Variants in DNM1 observed in about 807,000 individuals in gnomAD.
The protein encoded by DNM1 is dynamin 1.
In DNM1, 29 loss-of-function variants were observed where a neutral mutation model predicts 104.6. The observed-to-expected ratio is 0.28, with a 90% CI of 0.21 to 0.38. The LOEUF is 0.38. Ranked by LOEUF, DNM1 falls within the 10% of genes least tolerant of loss-of-function variation. The pLI is 1.00. For missense variants in DNM1, 640 were observed against 1,189.4 expected (o/e 0.54, Z 6.79); for synonymous variants, 445 against 475.8 (o/e 0.94, Z 0.84).
At chr9:128,235,014 A>G (rs1835925200) in intron 11 of DNM1, 1 of 151,190 alleles carries the variant, frequency 6.6e-6, no homozygotes, top group Admixed American at 6.6e-5. Context: ...GCTGTTCTCA[A>G]ACTCCTGATC....
rs1011516154 is a variant in DNM1 at position 128,224,026 on chromosome 9, G to A, written c.1197-225G>A. On this transcript the variant is annotated intron_variant, in intron 9 of 21. Transcript: ENST00000372923. This position sits in a 1 kb window ranked among gnomAD's most constrained non-coding sequence, Gnocchi z 4.3. ...ATTGCGCCACTGCACTCCAGCCTGG[G>A]CGACAGAGCAAGACTCCGTCTCAAA... is the stretch of plus-strand genomic sequence containing the variant. 1.4e-4 allele frequency: 63 copies of A among 437,330 alleles called. No individual in the cohort carries two copies. The Admixed American group carries it at 2.2e-3, about 15-fold the overall frequency. 27.1% of individuals were successfully genotyped at this position (437,330 alleles called of 1,614,324 possible). A position where few individuals can be genotyped will look rare whatever the true frequency, so the allele number is the denominator to read the frequency against.
At chr9:128,217,739 C>T (rs113930466) in intron 1 of DNM1, among the ~76,000 whole-genome samples, 1 of 152,288 alleles carries the variant, frequency 6.6e-6, no homozygotes, top group Non-Finnish European at 1.5e-5. Context: ...TCCTTGCCAC[C>T]TCCTTCCCCA....
rs530908440 is a variant in DNM1, at chr9:128,250,177, G to C, written c.2139G>C (p.Thr713=). The change falls in exon 20 of 22, where the codon ACG becomes ACC. Residue 713 remains threonine, a synonymous_variant. Coordinates refer to ENST00000372923, the MANE Select transcript of DNM1 (RefSeq NM_004408.4). ...ANLYSCGDQN[T]LMEESAEQAQ... is the part of the protein sequence containing the mutation. ...TGTACTCGTGTGGGGACCAGAACAC[G>C]CTGATGGAGGAGTCGGCGGAGCAGG... is the stretch of plus-strand genomic sequence containing the variant. The C allele has an allele frequency of 1.9e-6, 3 of 1,614,210 alleles. No individual in the cohort carries two copies. The African/African-American group carries it at 4.0e-5, about 22-fold the overall frequency.
Position 128,234,098 on chromosome 9 carries a change from T to G in DNM1, c.1413T>G (p.Thr471=). The G allele has an allele frequency of 6.4e-7, 1 of 1,560,602 alleles. No homozygotes were observed. Among genetic ancestry groups the G allele is most frequent in the Non-Finnish European group, 8.7e-7 (1 of 1,153,150 alleles). The change falls in exon 11 of 22, where the codon ACT becomes ACG. Residue 471 remains threonine (T), a synonymous_variant. Coordinates refer to ENST00000372923, the MANE Select transcript of DNM1 (RefSeq NM_004408.4). The part of the protein sequence containing the change: ...TTHIREREGR[T]KEQVMLLIDI... The stretch of plus-strand genomic sequence containing the variant: ...ACATCCGGGAGCGCGAGGGCCGCAC[T>G]AAGGAGCAGGTGAGCCCCGCAGCAC...
Position 128,240,128 on chromosome 9 carries a change from C to A in DNM1, c.1557+132C>A. 9.3e-7 allele frequency: 1 copy of A among 1,076,484 alleles called. No homozygotes were observed. Among genetic ancestry groups the A allele is most frequent in the Non-Finnish European group, 1.4e-6 (1 of 703,328 alleles). The allele number at this position is 1,076,484 out of a possible 1,614,324, so 66.7% of individuals were successfully genotyped here. A position where few individuals can be genotyped will look rare whatever the true frequency, so the allele number is the denominator to read the frequency against. On this transcript the variant is annotated intron_variant, in intron 14 of 21. Coordinates refer to ENST00000372923, the MANE Select transcript of DNM1 (RefSeq NM_004408.4). The surrounding 1 kb of genome is among the most constrained non-coding windows in gnomAD (Gnocchi z 5.1). ...TTGTACACACCAGCCCCTGGCATTT[C>A]ACACCTGCCCTCAGGCCAGAGGCAG...
intron 15 of DNM1, among the ~76,000 whole-genome samples, chr9:128,244,530 C>G (rs577210764): frequency 9.2e-5 from 14 of 151,408 alleles, no homozygotes; most frequent in African/African-American, 3.2e-4. Context: ...CCCCATTGAC[C>G]CCCCCATCCT....
At position 128,224,889 on chromosome 9, in the gene DNM1, C is replaced by G. The variant is rs1835251745; in HGVS notation, c.1335+500C>G. Among the ~76,000 whole-genome samples the G allele has an allele frequency of 6.6e-6, 1 of 152,152 alleles. No homozygotes were observed. Among genetic ancestry groups the G allele is most frequent in the Admixed American group, 6.5e-5 (1 of 15,286 alleles). ...CCCGCTGTCCTTCATCCTCCCCATA[C>G]TCATCTCACCCTCACTCAGGACCCT... is the stretch of plus-strand genomic sequence containing the variant. On this transcript the variant is annotated intron_variant, in intron 10 of 21. Transcript: ENST00000372923. The surrounding 1 kb of genome is among the most constrained non-coding windows in gnomAD (Gnocchi z 4.3).
chr9:128,249,192 CA>C (rs113241852), intron 19 of DNM1, among the ~76,000 whole-genome samples: 44,513 of 117,666 alleles, frequency 0.38, 7,504 homozygotes, highest in African/African-American at 0.5. Flanking sequence ...GACTCCATCT[CA>C]AAAAAAAAAA....
chr9:128,212,927 A>AAGTCCCTGGCAG (rs1274922191), intron 1 of DNM1, among the ~76,000 whole-genome samples: 2 of 152,206 alleles, frequency 1.3e-5, no homozygotes, highest in Non-Finnish European at 2.9e-5. Context: ...GTAGATTTTC[A>AAGTCCCTGGCAG]AGTCCCTGGC....
chr9:128,253,031 T>C lies in DNM1; in HGVS notation c.2535-1623T>C, dbSNP rs1829624440. ...GCACGCCCGGGCGTGTGCGTGTGTG[T>C]GTCCCCCACCCCCAGGCCGGCCCCA... On this transcript the variant is annotated intron_variant, in intron 21 of 21. Transcript: ENST00000372923. The surrounding 1 kb of genome is among the most constrained non-coding windows in gnomAD (Gnocchi z 5.9). The C allele has an allele frequency of 6.7e-7, 1 of 1,503,290 alleles. No individual in the cohort carries two copies. The highest frequency in any genetic ancestry group is 1.4e-5 in the African/African-American group (1 of 72,806). 93.1% of individuals were successfully genotyped at this position (1,503,290 alleles called of 1,614,324 possible).
Position 128,248,754 on chromosome 9 carries a change from G to T in DNM1, c.2076+1G>T. On this transcript the variant is annotated splice_donor_variant, in intron 19 of 21. Transcript: ENST00000372923. LOFTEE classifies it high-confidence loss of function. This position sits in a 1 kb window ranked among gnomAD's most constrained non-coding sequence, Gnocchi z 5.6. ...CATCATGCACCTCATGATTAACAAT[G>T]TGCGTGCTCCACTGCATGGGGGCAG... The T allele has an allele frequency of 6.2e-7, 1 of 1,611,900 alleles. No homozygotes were observed. Among genetic ancestry groups the T allele is most frequent in the South Asian group, 1.1e-5 (1 of 91,040 alleles).
At chr9:128,213,787 T>G (rs1834446273) in intron 1 of DNM1, among the ~76,000 whole-genome samples, 1 of 152,132 alleles carries the variant, frequency 6.6e-6, no homozygotes, top group Non-Finnish European at 1.5e-5. Context: ...GGCTAGGTGC[T>G]GGGATATTGT....
chr9:128,220,221 T>A lies in DNM1; in HGVS notation c.729T>A (p.Asp243Glu), dbSNP rs765690901. Residue 243 changes from aspartate to glutamate, a missense_variant, in exon 6 of 22, where the codon GAT becomes GAA. Coordinates refer to ENST00000372923, the MANE Select transcript of DNM1 (RefSeq NM_004408.4). The surrounding 1 kb of genome is among the most constrained non-coding windows in gnomAD (Gnocchi z 5.2). ...GVVNRSQKDI[D>E]GKKDITAALA... is the part of the protein sequence containing the mutation. ...TGAACCGGAGCCAGAAGGACATTGA[T>A]GGCAAGAAGGACATTACCGCCGCCT... 6.2e-7 allele frequency: 1 copy of A among 1,614,070 alleles called. No individual in the cohort carries two copies. The highest frequency in any genetic ancestry group is 1.3e-5 in the African/African-American group (1 of 74,922).
rs1330014676 is a variant in DNM1 at position 128,218,766 on chromosome 9, T to C, written c.385+35T>C. On this transcript the variant is annotated intron_variant, in intron 3 of 21. Transcript: ENST00000372923. This position sits in a 1 kb window ranked among gnomAD's most constrained non-coding sequence, Gnocchi z 4.8. ...CTGGCCCCGCCCTAACCTCTAAGAA[T>C]CATTTTCTTGGCCACGCACCTCTGC... 1 of 1,561,412 alleles carries C rather than the reference T, an allele frequency of 6.4e-7. No individual in the cohort carries two copies. The highest frequency in any genetic ancestry group is 8.7e-7 in the Non-Finnish European group (1 of 1,151,214).
chr9:128,218,997 G>A lies in DNM1; in HGVS notation c.386-52G>A, dbSNP rs1364419464. 5.6e-6 allele frequency: 9 copies of A among 1,596,496 alleles called. No homozygotes were observed. The highest frequency in any genetic ancestry group is 7.7e-6 in the Non-Finnish European group (9 of 1,168,632). On this transcript the variant is annotated intron_variant, in intron 3 of 21. Transcript: ENST00000372923. The surrounding 1 kb of genome is among the most constrained non-coding windows in gnomAD (Gnocchi z 4.8). ...TAACCCCGCCCTATTCTTTAACCTC[G>A]CCCGCGGCCACGCCCCTCGCCTTGA...
Position 128,222,183 on chromosome 9 carries a change from A to C in DNM1, c.850-14A>C, listed in dbSNP as rs1835065440. The stretch of plus-strand genomic sequence containing the variant: ...ACCATCTGTCCTCAACCCTTTCCTC[A>C]CCCTTACCCCCAGCAACTGACGAAC... On this transcript the variant is annotated splice_polypyrimidine_tract_variant and intron_variant, in intron 6 of 21. Coordinates refer to ENST00000372923, the MANE Select transcript of DNM1 (RefSeq NM_004408.4). The surrounding 1 kb of genome is among the most constrained non-coding windows in gnomAD (Gnocchi z 7.8). 1 of 1,605,568 alleles carries C rather than the reference A, an allele frequency of 6.2e-7. No individual in the cohort carries two copies. The highest frequency in any genetic ancestry group is 1.3e-5 in the African/African-American group (1 of 74,416).
Position 128,247,531 on chromosome 9 carries a change from G to T in DNM1, c.1893+45G>T. 3 of 1,437,476 alleles carry T rather than the reference G, an allele frequency of 2.1e-6. No homozygotes were observed. Among genetic ancestry groups the T allele is most frequent in the Non-Finnish European group, 2.9e-6 (3 of 1,031,474 alleles). 89.0% of individuals were successfully genotyped at this position (1,437,476 alleles called of 1,614,324 possible). ...GAGGAAGGGCAAGCATGATCCTAGG[G>T]CCCCTGGGGCACCATCCTCAGTGAT... is the stretch of plus-strand genomic sequence containing the variant. On this transcript the variant is annotated intron_variant, in intron 17 of 21. Coordinates refer to ENST00000372923, the MANE Select transcript of DNM1 (RefSeq NM_004408.4). The surrounding 1 kb of genome is among the most constrained non-coding windows in gnomAD (Gnocchi z 5.1).
Position 128,218,935 on chromosome 9 carries a change from CCCACCCACCTG to C in DNM1, c.386-107_386-97del. The stretch of plus-strand genomic sequence containing the variant: ...CACTTTCGCCCTGAGATTTCCTAGT[CCCACCCACCTG>C]CCACCCTGCTCCCAAGCAGCTTCTC... On this transcript the variant is annotated intron_variant, in intron 3 of 21. Transcript: ENST00000372923. The surrounding 1 kb of genome is among the most constrained non-coding windows in gnomAD (Gnocchi z 4.8). 7.4e-7 allele frequency: 1 copy of C among 1,343,082 alleles called. No homozygotes were observed. Among genetic ancestry groups the C allele is most frequent in the African/African-American group, 1.4e-5 (1 of 69,562 alleles). The allele number at this position is 1,343,082 out of a possible 1,614,324, so 83.2% of individuals were successfully genotyped here.
intron 19 of DNM1, among the ~76,000 whole-genome samples, chr9:128,249,252 G>A (rs148024777): frequency 7.6e-4 from 115 of 152,100 alleles, no homozygotes; most frequent in Middle Eastern, 6.8e-3. Flanking sequence ...GCTCATGCCT[G>A]TAATCCCAGC....
Sources: gnomAD v4.1 joint callset for allele counts (sites outside exome capture counted in the v4.1 genomes callset) on GRCh38, gnomAD v4.1.1 for gene constraint, Gnocchi (gnomAD v3.1) non-coding constraint, MANE v1.5 for transcripts, NCBI Gene and HGNC (gene_info 2026-07-23, HGNC 2026-07-21) for gene names.